Variants in CCDC63 observed in about 807,000 individuals in gnomAD.
The protein encoded by CCDC63 is coiled-coil domain containing 63.
CCDC63 carries 54 observed loss-of-function variants against 63.6 expected under a neutral mutation model. The ratio of observed to expected loss-of-function variants is 0.85; its 90% CI spans 0.68 to 1.07. The LOEUF (loss-of-function observed/expected upper bound fraction) is 1.07, where lower values mean the gene tolerates loss of function less well. Ranked by LOEUF, CCDC63 falls within the 50% of genes least tolerant of loss-of-function variation. The pLI is 0.00. For synonymous variants in CCDC63, 253 were observed against 266.1 expected (o/e 0.95, Z 0.48); for missense variants, 637 against 689.6 (o/e 0.92, Z 0.86).
intron 10 of CCDC63, among the ~76,000 whole-genome samples, chr12:110,901,552 T>C (rs527501271): frequency 6.6e-6 from 1 of 151,970 alleles, no homozygotes; most frequent in South Asian, 2.1e-4. Flanking sequence ...TGTTTTTTTG[T>C]ATTCATTAAC....
At chr12:110,859,863 C>T (rs546414571) in intron 4 of CCDC63, among the ~76,000 whole-genome samples, 1 of 152,028 alleles carries the variant, frequency 6.6e-6, no homozygotes. Context: ...CCCCTGCCTA[C>T]CCCTTGGCCC....
At chr12:110,845,265 G>A (rs1266469139), upstream of CCDC63, among the ~76,000 whole-genome samples, 1 of 152,140 alleles carries the variant, frequency 6.6e-6, no homozygotes, top group East Asian at 1.9e-4. Flanking sequence ...GTGAGTCATT[G>A]GGCTCTGCAT....
At chr12:110,872,559 G>A (rs1336363065) in intron 4 of CCDC63, among the ~76,000 whole-genome samples, 2 of 152,132 alleles carry the variant, frequency 1.3e-5, no homozygotes, top group Admixed American at 6.6e-5. Flanking sequence ...CTACAGTCCC[G>A]GATAATTCAG....
rs568751406 is a variant in CCDC63, at chr12:110,847,948, T to G, written c.-97+843T>G. Among the ~76,000 whole-genome samples the G allele has an allele frequency of 2.6e-5, 4 of 152,388 alleles. No homozygotes were observed. In the East Asian group the frequency reaches 7.7e-4, roughly 29 times the overall value. On this transcript the variant is annotated intron_variant, in intron 1 of 11. Transcript: ENST00000308208. Reference sequence around the variant, plus strand: ...AACTGTATTTGCCAAGAGCTGCCCATGCGCCCAGGACTATGGATGCTGTGG... The same window carrying G: ...AACTGTATTTGCCAAGAGCTGCCCAGGCGCCCAGGACTATGGATGCTGTGG...
intron 4 of CCDC63, among the ~76,000 whole-genome samples, chr12:110,867,499 G>T (rs1261913252): frequency 2.8e-3 from 123 of 44,452 alleles, no homozygotes; most frequent in African/African-American, 0.012. Flanking sequence ...CCTCACCTCC[G>T]GGATGGGGCG....
At chr12:110,870,183 A>C in intron 4 of CCDC63, among the ~76,000 whole-genome samples, 1 of 152,136 alleles carries the variant, frequency 6.6e-6, no homozygotes, top group South Asian at 2.1e-4. Flanking sequence ...CCCAGGATCA[A>C]GCAATTCTCT....
At chr12:110,849,516 T>G (rs1248430898) in intron 1 of CCDC63, among the ~76,000 whole-genome samples, 5 of 150,542 alleles carry the variant, frequency 3.3e-5, no homozygotes, top group Non-Finnish European at 7.4e-5. Flanking sequence ...TTTTTTTTTT[T>G]GAGATGGAGT....
chr12:110,884,351 G>T (rs368079108), intron 8 of CCDC63, 101 bp downstream of exon 8: 16 of 885,206 alleles, frequency 1.8e-5, no homozygotes, highest in East Asian at 1.5e-4. Context: ...ACTACAGAAA[G>T]CAGTTTGGCC....
intron 9 of CCDC63, among the ~76,000 whole-genome samples, chr12:110,894,299 T>C (rs892532972): frequency 3.3e-5 from 5 of 152,146 alleles, no homozygotes; most frequent in Admixed American, 1.3e-4. Context: ...TTAAACTTCA[T>C]TGGCCACCCC....
chr12:110,905,722 A>G (rs1359712757), intron 11 of CCDC63, among the ~76,000 whole-genome samples: 2 of 149,102 alleles, frequency 1.3e-5, no homozygotes, highest in Non-Finnish European at 3.0e-5. Context: ...TCAGTTGCAC[A>G]ATTGTCTGGG....
chr12:110,867,476 G>A (rs1446554789), intron 4 of CCDC63, among the ~76,000 whole-genome samples: 12 of 104,724 alleles, frequency 1.1e-4, no homozygotes, highest in African/African-American at 4.5e-4. Flanking sequence ...AGGGGCGGCC[G>A]GGCAGAGGCG....
At chr12:110,894,955 C>G (rs980446800) in intron 9 of CCDC63, among the ~76,000 whole-genome samples, 2 of 152,222 alleles carry the variant, frequency 1.3e-5, no homozygotes, top group Non-Finnish European at 2.9e-5. Context: ...TACTCTGTTG[C>G]CCAGGCTGGA....
At chr12:110,902,211 G>A (rs564368626) in intron 10 of CCDC63, among the ~76,000 whole-genome samples, 6 of 152,272 alleles carry the variant, frequency 3.9e-5, no homozygotes, top group Admixed American at 6.5e-5. Context: ...CCAGGTTCCC[G>A]GATGCCAGCC....
Position 110,907,345 on chromosome 12 carries a change from G to A in CCDC63, c.1561G>A (p.Asp521Asn), listed in dbSNP as rs1317562273. The change falls in exon 12 of 12, where the codon GAC (aspartate) becomes AAC (asparagine). Residue 521 changes from aspartate (D) to asparagine (N), a missense_variant. By Grantham distance (23) the Asp-to-Asn change is conservative. Transcript: ENST00000308208. This position sits in a 1 kb window ranked among gnomAD's most constrained non-coding sequence, Gnocchi z 4.4. ...DRLDDVEQPL[D>N]HSSLRQLVLD... ...TCTTGGTGCAGTGGAACAGCCCCTG[G>A]ACCACAGCAGCCTTCGGCAGCTGGT... The A allele has an allele frequency of 6.2e-7, 1 of 1,613,654 alleles. No homozygotes were observed. Among genetic ancestry groups the A allele is most frequent in the Admixed American group, 1.7e-5 (1 of 59,976 alleles).
At chr12:110,870,772 C>T (rs947465685) in intron 4 of CCDC63, among the ~76,000 whole-genome samples, 6 of 152,222 alleles carry the variant, frequency 3.9e-5, no homozygotes, top group Non-Finnish European at 5.9e-5. Context: ...GTATCCCTCC[C>T]TTGCCTCTTT....
At chr12:110,867,001 C>T (rs1304351219) in intron 4 of CCDC63, among the ~76,000 whole-genome samples, 96 of 115,722 alleles carry the variant, frequency 8.3e-4, no homozygotes, top group African/African-American at 2.9e-3. Context: ...GGGGGGCTGA[C>T]CCCCCCACCT....
Position 110,902,394 on chromosome 12 carries a change from C to G in CCDC63, c.1343-2194C>G, listed in dbSNP as rs149184760. Among the ~76,000 whole-genome samples, 541 of 152,312 alleles carry G rather than the reference C, an allele frequency of 3.6e-3. 3 individuals are homozygous for G. Among genetic ancestry groups the G allele is most frequent in the African/African-American group, 0.013 (532 of 41,572 alleles). On this transcript the variant is annotated intron_variant, in intron 10 of 11. Coordinates refer to ENST00000308208, the MANE Select transcript of CCDC63 (RefSeq NM_152591.3). ...ACCTGTAGCCACACTATCCTCCTCT[C>G]GATCCTTCCAAATCCATTGCTGCCC...
intron 4 of CCDC63, among the ~76,000 whole-genome samples, chr12:110,866,662 A>G (rs1593653924): frequency 6.6e-6 from 1 of 151,640 alleles, no homozygotes; most frequent in Middle Eastern, 3.4e-3. Context: ...CAGTATCCCA[A>G]GGCAGAGGAA....
chr12:110,871,168 G>A (rs933109144), intron 4 of CCDC63, among the ~76,000 whole-genome samples: 3 of 152,134 alleles, frequency 2.0e-5, no homozygotes, highest in African/African-American at 7.2e-5. Context: ...TTGAGACAGA[G>A]TCTTGCTCTG....
Sources: allele counts gnomAD v4.1 joint callset (sites outside exome capture counted in the v4.1 genomes callset), GRCh38; gene constraint gnomAD v4.1.1; non-coding constraint Gnocchi (gnomAD v3.1); transcripts MANE v1.5; gene names NCBI Gene and HGNC (gene_info 2026-07-23, HGNC 2026-07-21).